Variants in COL1A2 observed in about 807,000 individuals in gnomAD.
The protein encoded by COL1A2 is collagen type I alpha 2 chain.
In COL1A2, 49 loss-of-function variants were observed where a neutral mutation model predicts 174.3. That is an observed-to-expected ratio of 0.28 (90% CI 0.22 to 0.36). The LOEUF (loss-of-function observed/expected upper bound fraction) is 0.36, where lower values mean the gene tolerates loss of function less well. Ranked by LOEUF, COL1A2 falls within the 10% of genes least tolerant of loss-of-function variation. The probability of loss-of-function intolerance (pLI) is 1.00; values close to 1 mark genes in which losing one functional copy is unlikely to be tolerated. For synonymous variants in COL1A2, 655 were observed against 606.6 expected, an observed-to-expected ratio of 1.08 and a Z score of -1.17; for missense variants, 1,438 against 1,822.7, an observed-to-expected ratio of 0.79 and a Z score of 3.84.
At chr7:94,406,146 C>G (rs1414388894) in intron 11 of COL1A2, 104 bp from the exon 12 acceptor site, 1 of 1,214,490 alleles carries the variant, frequency 8.2e-7, no homozygotes, top group Admixed American at 1.8e-5. Context: ...CTGCAGCAGA[C>G]AAGACTTACC....
At chr7:94,399,193 T>A in intron 4 of COL1A2, 109 bp downstream of exon 4, 1 of 981,830 alleles carries the variant, frequency 1.0e-6, no homozygotes, top group Non-Finnish European at 1.6e-6. Flanking sequence ...CAGATAATTG[T>A]ACACCCCTTT....
At chr7:94,401,168 G>A (rs1269302783) in intron 5 of COL1A2, among the ~76,000 whole-genome samples, 1 of 147,484 alleles carries the variant, frequency 6.8e-6, no homozygotes, top group Non-Finnish European at 1.5e-5. Flanking sequence ...GGTGGGGAAG[G>A]GCAACAGGTG....
chr7:94,413,241 T>C, intron 26 of COL1A2, 105 bp downstream of exon 26: 4 of 1,198,086 alleles, frequency 3.3e-6, no homozygotes, highest in Non-Finnish European at 5.0e-6. Flanking sequence ...CTTTTCAAGA[T>C]GGCATCCCCA....
intron 25 of COL1A2, 26 bp downstream of exon 25, chr7:94,412,708 C>A (rs1318775918): frequency 8.2e-6 from 13 of 1,594,374 alleles, no homozygotes; most frequent in Admixed American, 3.3e-5. Context: ...ACTTTCTTAC[C>A]CTCAGCACTT....
intron 34 of COL1A2, among the ~76,000 whole-genome samples, chr7:94,419,922 T>C (rs1490212400): frequency 2.7e-4 from 41 of 152,200 alleles, no homozygotes; most frequent in Admixed American, 2.7e-3. Flanking sequence ...TAGATCTTAT[T>C]TATTGTATTG....
chr7:94,407,726 G>A (rs995242503), intron 12 of COL1A2, 121 bp from the exon 13 acceptor site: 19 of 827,646 alleles, frequency 2.3e-5, no homozygotes, highest in Admixed American at 4.7e-5. Flanking sequence ...CAATCTATAT[G>A]TGTAAGAAAT....
intron 29 of COL1A2, 28 bp downstream of exon 29, chr7:94,414,303 T>C: frequency 6.2e-7 from 1 of 1,601,440 alleles, no homozygotes; most frequent in South Asian, 1.1e-5. Flanking sequence ...TAGTAAGTAG[T>C]AACTACTAAA....
chr7:94,425,274 T>G, intron 42 of COL1A2, 50 bp downstream of exon 42: 1 of 1,537,078 alleles, frequency 6.5e-7, no homozygotes, highest in Non-Finnish European at 9.0e-7. Context: ...GATTTCATTG[T>G]GTGAAACTTT....
At chr7:94,409,671 C>T in intron 18 of COL1A2, 52 bp from the exon 19 acceptor site, 1 of 1,612,964 alleles carries the variant, frequency 6.2e-7, no homozygotes, top group South Asian at 1.1e-5. Context: ...ATGTGTGCTG[C>T]CTCTACAGCC....
chr7:94,428,097 C>G (rs761282777), intron 49 of COL1A2, among the ~76,000 whole-genome samples, 196 bp from the exon 50 acceptor site: 2 of 151,974 alleles, frequency 1.3e-5, no homozygotes, highest in African/African-American at 2.4e-5. Context: ...TAATAAGTAC[C>G]CTGATTTGAT....
chr7:94,410,099 T>G (rs918443282), intron 19 of COL1A2, 143 bp from the exon 20 acceptor site: 8 of 883,886 alleles, frequency 9.1e-6, no homozygotes, highest in Non-Finnish European at 1.5e-5. Flanking sequence ...TCCCCTGTAC[T>G]CAATTTAAAT....
chr7:94,399,969 T>C, intron 4 of COL1A2: 1 of 639,654 alleles, frequency 1.6e-6, no homozygotes, highest in Non-Finnish European at 2.8e-6. Context: ...TAATATTCAA[T>C]GGCCGAGATA....
At position 94,410,408 on chromosome 7, in the gene COL1A2, T is replaced by C; in HGVS notation, c.1090-12T>C. ...TTTTACTCCCTCTTCTTTTGTTCTT[T>C]TCATTAAACAGGGCTCTGCTGGGCC... On this transcript the variant is annotated splice_polypyrimidine_tract_variant and intron_variant, in intron 20 of 51. Coordinates refer to ENST00000297268, the MANE Select transcript of COL1A2 (RefSeq NM_000089.4). The C allele has an allele frequency of 6.4e-7, 1 of 1,553,928 alleles. No homozygotes were observed. The highest frequency in any genetic ancestry group is 1.2e-5 in the South Asian group (1 of 84,308).
intron 49 of COL1A2, 47 bp from the exon 50 acceptor site, chr7:94,428,246 T>C (rs1410933764): frequency 1.4e-6 from 2 of 1,420,850 alleles, no homozygotes; most frequent in Non-Finnish European, 2.0e-6. Flanking sequence ...GAATCTGTGT[T>C]CTGCTCAATG....
intron 38 of COL1A2, 143 bp downstream of exon 38, chr7:94,421,205 G>T: frequency 1.2e-6 from 1 of 805,528 alleles, no homozygotes; most frequent in Non-Finnish European, 2.1e-6. Context: ...GAGCAATTCC[G>T]ATATTGATGT....
At position 94,423,045 on chromosome 7, in the gene COL1A2, CT is replaced by C; in HGVS notation, c.2493del (p.Gly832GlufsTer3). On this transcript the variant is annotated frameshift_variant, in exon 40 of 52. Coordinates refer to ENST00000297268, the MANE Select transcript of COL1A2 (RefSeq NM_000089.4). LOFTEE classifies it high-confidence loss of function. Reference sequence around the variant, plus strand: ...GGTGACCAAGGTCCAGTTGGCCGAACTGGAGAAGTAGGTGCAGTTGGTCCCC... The same window carrying C: ...GGTGACCAAGGTCCAGTTGGCCGAACGGAGAAGTAGGTGCAGTTGGTCCCC... ...PRGDQGPVGRTGEVGAVGPPG... is the reference protein window; with the variant it reads ...PRGDQGPVGRXGEVGAVGPPG... 1 of 1,614,114 alleles carries C rather than the reference CT, an allele frequency of 6.2e-7. No homozygotes were observed.
Position 94,412,697 on chromosome 7 carries a change from A to G in COL1A2, c.1503+15A>G, listed in dbSNP as rs1791954237. On this transcript the variant is annotated intron_variant, in intron 25 of 51. Coordinates refer to ENST00000297268, the MANE Select transcript of COL1A2 (RefSeq NM_000089.4). ...AAGGCCCCACTGTAAGAATCACCAC[A>G]ACTTTCTTACCCTCAGCACTTTCTG... 1.9e-6 allele frequency: 3 copies of G among 1,608,160 alleles called. No homozygotes were observed. The East Asian group carries it at 6.7e-5, about 36-fold the overall frequency.
intron 14 of COL1A2, 29 bp from the exon 15 acceptor site, chr7:94,408,307 A>T (rs1562900292): frequency 6.2e-7 from 1 of 1,613,894 alleles, no homozygotes; most frequent in Admixed American, 1.7e-5. Flanking sequence ...TTAAGTTTCC[A>T]CCTGATCTTC....
rs1469193234 is a variant in COL1A2 at position 94,427,829 on chromosome 7, A to G, written c.3470A>G (p.Lys1157Arg). 4 of 1,614,068 alleles carry G rather than the reference A, an allele frequency of 2.5e-6. No homozygotes were observed. The Admixed American group carries it at 6.7e-5, about 27-fold the overall frequency. The change falls in exon 49 of 52, where the codon AAG (lysine) becomes AGG (arginine). Residue 1157 changes from lysine (K) to arginine (R), a missense_variant. Around this residue, in one of 3 missense-constraint regions of COL1A2, gnomAD observed 290 missense variants for 298.1 expected, o/e 0.97. Transcript: ENST00000297268. Reference protein sequence around the residue: ...ETLLTPEGSRKNPARTCRDLR... With the variant: ...ETLLTPEGSRRNPARTCRDLR... Reference sequence around the variant, plus strand: ...CTTCTTACTCCTGAAGGCTCTAGAAAGAACCCAGCTCGCACATGCCGTGAC... The same window carrying G: ...CTTCTTACTCCTGAAGGCTCTAGAAGGAACCCAGCTCGCACATGCCGTGAC...
Sources: gnomAD v4.1 joint callset for allele counts (sites outside exome capture counted in the v4.1 genomes callset) on GRCh38, gnomAD v4.1.1 for gene constraint, gnomAD v4.1.1 regional missense constraint, MANE v1.5 for transcripts, NCBI Gene and HGNC (gene_info 2026-07-23, HGNC 2026-07-21) for gene names.